Variants in MMS22L observed in about 807,000 individuals in gnomAD.
The protein encoded by MMS22L is MMS22 like, DNA repair protein.
MMS22L carries 74 observed loss-of-function variants against 159.1 expected under a neutral mutation model. The ratio of observed to expected loss-of-function variants is 0.47; its 90% confidence interval spans 0.39 to 0.56. The LOEUF (loss-of-function observed/expected upper bound fraction) is 0.56, where lower values mean the gene tolerates loss of function less well. Ranked by LOEUF, MMS22L falls within the 20% of genes least tolerant of loss-of-function variation. The probability of loss-of-function intolerance (pLI) is 0.00; values close to 1 mark genes in which losing one functional copy is unlikely to be tolerated. For missense variants in MMS22L, 1,351 were observed against 1,422.1 expected, an observed-to-expected ratio of 0.95 and a Z score of 0.80; for synonymous variants, 517 against 506.9, an observed-to-expected ratio of 1.02 and a Z score of -0.27.
intron 14 of MMS22L, among the ~76,000 whole-genome samples, chr6:97,193,703 T>C (rs1806138551): frequency 6.6e-6 from 1 of 152,218 alleles, no homozygotes; most frequent in Non-Finnish European, 1.5e-5. Flanking sequence ...TATTTACTAT[T>C]TGTTTTTAAT....
intron 10 of MMS22L, 66 bp from the exon 11 acceptor site, chr6:97,246,756 G>T (rs1013905762): frequency 1.7e-6 from 2 of 1,143,120 alleles, no homozygotes; most frequent in Non-Finnish European, 2.6e-6. Flanking sequence ...TAAAATTAGG[G>T]TATAGCAAAT....
At chr6:97,150,082 C>T (rs985701761) in intron 23 of MMS22L, 62 bp from the exon 24 acceptor site, 41 of 1,382,276 alleles carry the variant, frequency 3.0e-5, no homozygotes, top group Middle Eastern at 2.1e-4. Flanking sequence ...TTGGTATCTA[C>T]GTGGCAATCA....
chr6:97,249,151 T>G (rs187814373), intron 10 of MMS22L, among the ~76,000 whole-genome samples: 2 of 152,086 alleles, frequency 1.3e-5, no homozygotes, highest in African/African-American at 4.8e-5. Context: ...ATAATGGAAC[T>G]CCCATAAAAA....
intron 11 of MMS22L, among the ~76,000 whole-genome samples, chr6:97,237,649 A>C (rs1811557273): frequency 6.6e-6 from 1 of 152,212 alleles, no homozygotes. Flanking sequence ...TGATTCATGA[A>C]CAAAACTGAG....
chr6:97,149,844 C>G lies in MMS22L; in HGVS notation c.3650+9G>C. ...GCCCCCCCCAATGTAATTAAATTAT[C>G]AAACATACCTTTGTGCTATATTCCT... On this transcript the variant is annotated intron_variant, in intron 24 of 24. Transcript: ENST00000683635. The G allele has an allele frequency of 6.4e-7, 1 of 1,568,306 alleles. No homozygotes were observed. The highest frequency in any genetic ancestry group is 8.6e-7 in the Non-Finnish European group (1 of 1,157,104).
chr6:97,236,873 C>T (rs1811474901), intron 11 of MMS22L, among the ~76,000 whole-genome samples: 1 of 151,570 alleles, frequency 6.6e-6, no homozygotes, highest in African/African-American at 2.4e-5. Flanking sequence ...ATGGCAAGAA[C>T]CTGGGAGGCG....
At chr6:97,147,029 T>G (rs1211111864) in intron 24 of MMS22L, 142 bp from the exon 25 acceptor site, 1 of 534,856 alleles carries the variant, frequency 1.9e-6, no homozygotes, top group Non-Finnish European at 3.3e-6. Context: ...CAACACTTCT[T>G]AAAAAGTAAT....
chr6:97,210,632 T>TA (rs1808268642), intron 14 of MMS22L, among the ~76,000 whole-genome samples: 1 of 151,944 alleles, frequency 6.6e-6, no homozygotes. Context: ...GACATGACTG[T>TA]ATTAGTCTAT....
Position 97,143,003 on chromosome 6 carries a change from T to C in MMS22L, c.*3803A>G, listed in dbSNP as rs1328387442. On this transcript the variant is annotated 3_prime_UTR_variant, in exon 25 of 25. Coordinates refer to ENST00000683635, the MANE Select transcript of MMS22L (RefSeq NM_001350599.2). ...GTTTTAAACTATGAAATTCCTCTAA[T>C]GCAAATGAACTCAATACTGAATGAC... is the stretch of plus-strand genomic sequence containing the variant. 6.6e-6 allele frequency: 1 copy of C among 152,592 alleles called. No individual in the cohort carries two copies. The highest frequency in any genetic ancestry group is 2.4e-5 in the African/African-American group (1 of 41,450). 9.5% of individuals were successfully genotyped at this position (152,592 alleles called of 1,614,324 possible). A position where few individuals can be genotyped will look rare whatever the true frequency, so the allele number is the denominator to read the frequency against.
chr6:97,241,563 A>G (rs1304935879), intron 11 of MMS22L, among the ~76,000 whole-genome samples: 1 of 151,918 alleles, frequency 6.6e-6, no homozygotes, highest in Non-Finnish European at 1.5e-5. Context: ...GATGTTGAGC[A>G]TTTTTTCATC....
chr6:97,174,199 G>A (rs1003478848), intron 18 of MMS22L, among the ~76,000 whole-genome samples: 1 of 150,056 alleles, frequency 6.7e-6, no homozygotes, highest in African/African-American at 2.5e-5. Context: ...GTTGCAGTGA[G>A]CCAAGATCGC....
chr6:97,181,290 T>C (rs1454158361), intron 16 of MMS22L, among the ~76,000 whole-genome samples: 1 of 152,220 alleles, frequency 6.6e-6, no homozygotes, highest in Non-Finnish European at 1.5e-5. Context: ...CTCATCTTGA[T>C]GTTCTTATTC....
chr6:97,244,369 G>A (rs1812408124), intron 11 of MMS22L, among the ~76,000 whole-genome samples: 1 of 152,216 alleles, frequency 6.6e-6, no homozygotes. Context: ...GGTAGAGAAA[G>A]ACTGTTGATA....
intron 14 of MMS22L, among the ~76,000 whole-genome samples, chr6:97,219,081 T>G (rs933367255): frequency 6.6e-6 from 1 of 152,096 alleles, no homozygotes; most frequent in African/African-American, 2.4e-5. Flanking sequence ...TCCAATCACC[T>G]CTGTCCATTG....
chr6:97,167,695 T>C (rs1446229220), intron 20 of MMS22L, among the ~76,000 whole-genome samples: 2 of 152,082 alleles, frequency 1.3e-5, no homozygotes, highest in Non-Finnish European at 2.9e-5. Context: ...TTGTACATGT[T>C]GCTCCCTCTG....
chr6:97,226,706 T>C (rs1562480202), intron 14 of MMS22L, among the ~76,000 whole-genome samples: 1 of 151,998 alleles, frequency 6.6e-6, no homozygotes, highest in East Asian at 1.9e-4. Context: ...AGTGTGTGTA[T>C]ATATATGTAT....
At position 97,146,068 on chromosome 6, in the gene MMS22L, G is replaced by A. The variant is rs180868720; in HGVS notation, c.*738C>T. On this transcript the variant is annotated 3_prime_UTR_variant, in exon 25 of 25. Transcript: ENST00000683635. ...TATTTTTATTTACTCTCCTCTTAAA[G>A]TCTCCTTTATTTCCTCCTCCTGATA... 1.3e-5 allele frequency: 2 copies of A among 151,168 alleles called. No homozygotes were observed. Among genetic ancestry groups the A allele is most frequent in the African/African-American group, 4.9e-5 (2 of 41,216 alleles). 9.4% of individuals were successfully genotyped at this position (151,168 alleles called of 1,614,324 possible).
intron 14 of MMS22L, among the ~76,000 whole-genome samples, chr6:97,215,457 C>T (rs1159038091): frequency 1.3e-5 from 2 of 152,132 alleles, no homozygotes; most frequent in Admixed American, 1.3e-4. Context: ...TGGCAGCAGC[C>T]GGTAGCCTCT....
intron 10 of MMS22L, among the ~76,000 whole-genome samples, chr6:97,248,396 A>G (rs976481984): frequency 2.4e-5 from 2 of 84,886 alleles, no homozygotes; most frequent in Admixed American, 1.0e-4. Context: ...TGAGAGTGTG[A>G]GATAATAAAT....
Sources: allele counts gnomAD v4.1 joint callset (sites outside exome capture counted in the v4.1 genomes callset), GRCh38; gene constraint gnomAD v4.1.1; transcripts MANE v1.5; gene names NCBI Gene and HGNC (gene_info 2026-07-23, HGNC 2026-07-21).